The following CAMK2D variants were observed in gnomAD, a reference collection of about 807,000 sequenced individuals.
The protein encoded by CAMK2D is calcium/calmodulin-dependent protein kinase type II subunit delta.
Under a neutral mutation model 84.0 loss-of-function variants are expected in CAMK2D, and 37 were observed. The observed-to-expected ratio is 0.44, with a 90% confidence interval of 0.34 to 0.58. CAMK2D has a LOEUF of 0.58. Among genes scored for constraint, CAMK2D ranks in the 20% least tolerant of loss-of-function variants. The probability of loss-of-function intolerance (pLI) is 0.02; values close to 1 mark genes in which losing one functional copy is unlikely to be tolerated. For missense variants in CAMK2D, 448 were observed against 652.5 expected, an observed-to-expected ratio of 0.69 and a Z score of 3.41; for synonymous variants, 202 against 212.5, an observed-to-expected ratio of 0.95 and a Z score of 0.43.
chr4:113,538,150 T>G (rs1198808637), intron 6 of CAMK2D, among the ~76,000 whole-genome samples: 2 of 152,184 alleles, frequency 1.3e-5, no homozygotes, highest in African/African-American at 4.8e-5. Context: ...AGAGCATTAC[T>G]TATATATTTA....
At chr4:113,678,496 CAT>C (rs1331239557) in intron 2 of CAMK2D, among the ~76,000 whole-genome samples, 1 of 151,542 alleles carries the variant, frequency 6.6e-6, no homozygotes, top group Non-Finnish European at 1.5e-5. Flanking sequence ...TTAGTTGACA[CAT>C]ATTATAATAA....
intron 4 of CAMK2D, among the ~76,000 whole-genome samples, chr4:113,588,461 C>T (rs78084814): frequency 0.04 from 6,114 of 152,210 alleles, 356 homozygotes; most frequent in East Asian, 0.19. Flanking sequence ...TTTCTTAAAA[C>T]GTATCATGAT....
At chr4:113,640,208 G>C (rs2099126852) in intron 3 of CAMK2D, among the ~76,000 whole-genome samples, 1 of 152,118 alleles carries the variant, frequency 6.6e-6, no homozygotes, top group Admixed American at 6.6e-5. Context: ...TACCAGAATA[G>C]CATCCAAGTG....
At chr4:113,554,089 A>G (rs2098648197) in intron 4 of CAMK2D, among the ~76,000 whole-genome samples, 1 of 152,150 alleles carries the variant, frequency 6.6e-6, no homozygotes, top group Non-Finnish European at 1.5e-5. Context: ...AATTGCTGCT[A>G]TTTATAGGCT....
At chr4:113,587,989 T>C (rs1208128858) in intron 4 of CAMK2D, among the ~76,000 whole-genome samples, 1 of 152,142 alleles carries the variant, frequency 6.6e-6, no homozygotes, top group African/African-American at 2.4e-5. Flanking sequence ...CCCATGAAAA[T>C]GCCCCATTTG....
At chr4:113,727,592 C>T (rs1283821761) in intron 2 of CAMK2D, among the ~76,000 whole-genome samples, 1 of 152,036 alleles carries the variant, frequency 6.6e-6, no homozygotes, top group Non-Finnish European at 1.5e-5. Flanking sequence ...AGAGGAAATT[C>T]TTTGTAACTA....
At chr4:113,733,693 A>G (rs2099574431) in intron 2 of CAMK2D, among the ~76,000 whole-genome samples, 1 of 152,228 alleles carries the variant, frequency 6.6e-6, no homozygotes, top group South Asian at 2.1e-4. Context: ...TTTTAATACA[A>G]AGACAAAATC....
At chr4:113,535,620 T>G (rs2098484590) in intron 7 of CAMK2D, among the ~76,000 whole-genome samples, 1 of 152,230 alleles carries the variant, frequency 6.6e-6, no homozygotes, top group South Asian at 2.1e-4. Flanking sequence ...TTTAGCTTTA[T>G]CAAACTTCTT....
intron 2 of CAMK2D, among the ~76,000 whole-genome samples, chr4:113,672,631 T>C (rs146699185): frequency 1.8e-3 from 279 of 151,998 alleles, no homozygotes; most frequent in African/African-American, 5.2e-3. Flanking sequence ...AGTTAAAAAA[T>C]GTAAGACACT....
intron 12 of CAMK2D, chr4:113,513,127 C>T (rs138833191): frequency 1.5e-4 from 143 of 979,040 alleles, no homozygotes; most frequent in Non-Finnish European, 1.6e-4. Flanking sequence ...GGTTCAGTCA[C>T]GGAGGCTCGG....
intron 2 of CAMK2D, among the ~76,000 whole-genome samples, chr4:113,757,814 T>C (rs1020157118): frequency 2.6e-5 from 4 of 152,120 alleles, no homozygotes; most frequent in Non-Finnish European, 4.4e-5. Flanking sequence ...GAGTAAAATG[T>C]ATGTGACCAG....
At chr4:113,705,599 T>G (rs552206381) in intron 2 of CAMK2D, among the ~76,000 whole-genome samples, 2 of 152,320 alleles carry the variant, frequency 1.3e-5, no homozygotes, top group Admixed American at 1.3e-4. Flanking sequence ...GAACATTCTG[T>G]ACTATCTTTT....
At chr4:113,660,883 C>T (rs1029770740) in intron 3 of CAMK2D, among the ~76,000 whole-genome samples, 2 of 151,610 alleles carry the variant, frequency 1.3e-5, no homozygotes, top group Admixed American at 1.3e-4. Flanking sequence ...GCAAGCTCCG[C>T]CTCCCGGGTT....
chr4:113,553,082 C>T (rs1165130498), intron 4 of CAMK2D, among the ~76,000 whole-genome samples: 1 of 152,142 alleles, frequency 6.6e-6, no homozygotes, highest in Non-Finnish European at 1.5e-5. Context: ...CTTGTAAGAG[C>T]TAACATTTGC....
chr4:113,570,673 T>C (rs910917073), intron 4 of CAMK2D, among the ~76,000 whole-genome samples: 1 of 152,170 alleles, frequency 6.6e-6, no homozygotes, highest in African/African-American at 2.4e-5. Context: ...GACTTAAATG[T>C]AAGATTTAAA....
At chr4:113,465,631 A>G in intron 16 of CAMK2D, 27 bp from the exon 17 acceptor site, 1 of 1,344,774 alleles carries the variant, frequency 7.4e-7, no homozygotes. Context: ...GGAGTTGGGT[A>G]AGAATAAAAG....
At chr4:113,720,754 C>T (rs1430119219) in intron 2 of CAMK2D, among the ~76,000 whole-genome samples, 3 of 151,612 alleles carry the variant, frequency 2.0e-5, no homozygotes, top group Non-Finnish European at 1.5e-5. Flanking sequence ...CCAAGTAATC[C>T]CAGCAAATAT....
chr4:113,538,223 T>C (rs2098506606), intron 6 of CAMK2D, among the ~76,000 whole-genome samples: 1 of 152,180 alleles, frequency 6.6e-6, no homozygotes, highest in Admixed American at 6.6e-5. Flanking sequence ...CTTATCATTA[T>C]GCAAGGGCTG....
intron 4 of CAMK2D, among the ~76,000 whole-genome samples, chr4:113,574,861 T>C (rs780829614): frequency 2.0e-5 from 3 of 152,178 alleles, no homozygotes; most frequent in Non-Finnish European, 2.9e-5. Context: ...ATTAATCCCA[T>C]AGGCAGCAGA....
Sources: gnomAD v4.1 joint callset for allele counts (sites outside exome capture counted in the v4.1 genomes callset) on GRCh38, gnomAD v4.1.1 for gene constraint, MANE v1.5 for transcripts, NCBI Gene and HGNC (gene_info 2026-07-23, HGNC 2026-07-21) for gene names.